BACH2: variants seen among roughly 807,000 people sequenced by gnomAD.
The protein encoded by BACH2 is transcription regulator protein BACH2.
A neutral mutation model predicts 61.8 loss-of-function variants in BACH2; 5 were observed. The ratio of observed to expected loss-of-function variants is 0.08; its 90% CI spans 0.04 to 0.17. BACH2 has a LOEUF of 0.17. Ranked by LOEUF, BACH2 falls within the 10% of genes least tolerant of loss-of-function variation. The pLI, the probability that BACH2 is intolerant of heterozygous loss-of-function variation, is 1.00. For synonymous variants in BACH2, 446 were observed against 440.1 expected, an observed-to-expected ratio of 1.01 and a Z score of -0.17; for missense variants, 824 against 1,091.1, an observed-to-expected ratio of 0.76 and a Z score of 3.45.
chr6:89,988,533 T>C (rs1776365564), intron 6 of BACH2, among the ~76,000 whole-genome samples: 1 of 152,182 alleles, frequency 6.6e-6, no homozygotes, highest in African/African-American at 2.4e-5. Context: ...AATAGCTCCT[T>C]AGACAGGTTT....
intron 5 of BACH2, among the ~76,000 whole-genome samples, chr6:90,010,039 G>T (rs1366088667): frequency 6.6e-6 from 1 of 152,238 alleles, no homozygotes; most frequent in East Asian, 1.9e-4. Context: ...ATGTTTGCTA[G>T]AGTAGTAAGA....
Position 90,061,294 on chromosome 6 carries a change from A to C in BACH2, c.-13+27667T>G, listed in dbSNP as rs371124291. ...ATCTGATTGGGCATAAAACAGGAGG[A>C]GCTTTTGATAGTTTGGATGTGGAAG... On this transcript the variant is annotated intron_variant, in intron 5 of 8. Coordinates refer to ENST00000257749, the MANE Select transcript of BACH2 (RefSeq NM_021813.4). Among the ~76,000 whole-genome samples, 23 of 152,136 alleles carry C rather than the reference A, an allele frequency of 1.5e-4. 1 individual carries two copies. In the South Asian group the frequency reaches 4.8e-3, roughly 32 times the overall value.
chr6:90,123,509 G>A (rs141575409), intron 4 of BACH2, among the ~76,000 whole-genome samples: 1,916 of 151,608 alleles, frequency 0.013, 33 homozygotes, highest in African/African-American at 0.043. Flanking sequence ...GGTGGCTCAC[G>A]CCTGTAATCC....
At chr6:90,292,757 A>G (rs1259908847) in intron 1 of BACH2, among the ~76,000 whole-genome samples, 4 of 152,274 alleles carry the variant, frequency 2.6e-5, no homozygotes, top group African/African-American at 9.6e-5. Context: ...GTGGGAGACA[A>G]GCAGCCCCCA....
intron 3 of BACH2, among the ~76,000 whole-genome samples, chr6:90,252,167 A>G (rs1199153891): frequency 1.3e-5 from 2 of 152,210 alleles, no homozygotes; most frequent in East Asian, 3.8e-4. Context: ...CAGTTTTAAG[A>G]CTGCCCGGGT....
In BACH2 at chr6:89,985,334, G is replaced by A. The variant is rs577928855; in HGVS notation, c.243+23268C>T. Reference sequence around the variant, plus strand: ...TCATCTGCTGGCGGGGCTGGTGGGAGTCTGGGTTTTGTGGGTGGCCTCAGG... The same window carrying A: ...TCATCTGCTGGCGGGGCTGGTGGGAATCTGGGTTTTGTGGGTGGCCTCAGG... On this transcript the variant is annotated intron_variant, in intron 6 of 8. Transcript: ENST00000257749. 2.3e-3 allele frequency among the ~76,000 whole-genome samples: 356 copies of A among 152,326 alleles called. 6 individuals are homozygous for A. Among genetic ancestry groups the A allele is most frequent in the African/African-American group, 7.8e-3 (323 of 41,584 alleles).
At chr6:90,269,146 C>T (rs1161629700) in intron 2 of BACH2, among the ~76,000 whole-genome samples, 1 of 152,090 alleles carries the variant, frequency 6.6e-6, no homozygotes, top group East Asian at 1.9e-4. Context: ...CAACAGAAAA[C>T]AGTAACAGAG....
chr6:90,223,039 A>T (rs1769788481), intron 3 of BACH2, among the ~76,000 whole-genome samples: 1 of 152,246 alleles, frequency 6.6e-6, no homozygotes, highest in Non-Finnish European at 1.5e-5. Flanking sequence ...AGTAGGGACT[A>T]GCTGCGTTAA....
intron 6 of BACH2, among the ~76,000 whole-genome samples, chr6:89,998,975 T>G (rs1164475299): frequency 6.6e-6 from 1 of 152,176 alleles, no homozygotes; most frequent in Non-Finnish European, 1.5e-5. Flanking sequence ...TTAGGTAACT[T>G]TATTGATATC....
chr6:90,069,165 C>G (rs1443384786), intron 5 of BACH2, among the ~76,000 whole-genome samples: 1 of 152,144 alleles, frequency 6.6e-6, no homozygotes. Flanking sequence ...AGACGGGATC[C>G]TATCATTCAC....
intron 6 of BACH2, among the ~76,000 whole-genome samples, chr6:89,965,165 G>A (rs1584540565): frequency 6.6e-6 from 1 of 152,276 alleles, no homozygotes; most frequent in African/African-American, 2.4e-5. Flanking sequence ...GGGATTACAG[G>A]CATAAGCCAC....
intron 5 of BACH2, among the ~76,000 whole-genome samples, chr6:90,055,641 C>T (rs1350034418): frequency 3.5e-5 from 5 of 142,142 alleles, no homozygotes; most frequent in East Asian, 2.0e-4. Flanking sequence ...AGATACTCCT[C>T]GAGAAGAGCA....
At chr6:90,140,386 G>A (rs2501713) in intron 4 of BACH2, among the ~76,000 whole-genome samples, 2,729 of 152,144 alleles carry the variant, frequency 0.018, 73 homozygotes, top group African/African-American at 0.062. Flanking sequence ...CTGTATAATG[G>A]GAAGATTAGC....
intron 4 of BACH2, among the ~76,000 whole-genome samples, chr6:90,176,255 A>G (rs1026701934): frequency 2.0e-5 from 3 of 152,198 alleles, no homozygotes; most frequent in Non-Finnish European, 2.9e-5. Flanking sequence ...TTCAGATGTT[A>G]ACCAAGGTCT....
At chr6:90,179,983 C>A (rs914163245) in intron 4 of BACH2, among the ~76,000 whole-genome samples, 1 of 151,990 alleles carries the variant, frequency 6.6e-6, no homozygotes, top group East Asian at 1.9e-4. Context: ...ATATTATGCA[C>A]CCATTAAAAA....
chr6:90,104,863 T>C (rs1419306198), intron 4 of BACH2, among the ~76,000 whole-genome samples: 1 of 152,162 alleles, frequency 6.6e-6, no homozygotes, highest in Non-Finnish European at 1.5e-5. Context: ...AGGAAGCAGG[T>C]AGGTGTATGC....
intron 8 of BACH2, among the ~76,000 whole-genome samples, chr6:89,933,435 T>C (rs1362593752): frequency 2.0e-5 from 3 of 152,166 alleles, no homozygotes; most frequent in East Asian, 3.9e-4. Context: ...AGCCACTCTG[T>C]ATGACACTAT....
At position 90,007,100 on chromosome 6, in the gene BACH2, G is replaced by A. The variant is rs1777448387; in HGVS notation, c.243+1502C>T. Among the ~76,000 whole-genome samples the A allele has an allele frequency of 2.0e-5, 3 of 151,326 alleles. No homozygotes were observed. The South Asian group carries it at 6.3e-4, about 32-fold the overall frequency. On this transcript the variant is annotated intron_variant, in intron 6 of 8. Coordinates refer to ENST00000257749, the MANE Select transcript of BACH2 (RefSeq NM_021813.4). Reference sequence around the variant, plus strand: ...ATTATTATTATTTTTTTTGAGACAGGGTCTCGCCCTGTCACCCAGGCTGGA... The same window carrying A: ...ATTATTATTATTTTTTTTGAGACAGAGTCTCGCCCTGTCACCCAGGCTGGA...
At chr6:90,214,156 G>A (rs543303864) in intron 3 of BACH2, among the ~76,000 whole-genome samples, 11 of 152,300 alleles carry the variant, frequency 7.2e-5, no homozygotes, top group South Asian at 6.2e-4. Context: ...AATAGTGCAC[G>A]TCACTGCAAA....
Sources: gnomAD v4.1 joint callset for allele counts (sites outside exome capture counted in the v4.1 genomes callset) on GRCh38, gnomAD v4.1.1 for gene constraint, MANE v1.5 for transcripts, NCBI Gene and HGNC (gene_info 2026-07-23, HGNC 2026-07-21) for gene names.